BTNL8: variants seen among roughly 807,000 people sequenced by gnomAD.
BTNL8 encodes the protein butyrophilin like 8, also known as butyrophilin-like protein 8.
BTNL8 carries 22 observed loss-of-function variants against 36.1 expected under a neutral mutation model. That is an observed-to-expected ratio of 0.61 (90% confidence interval 0.44 to 0.87). BTNL8 has a LOEUF of 0.87. BTNL8 is among the 40% of genes least tolerant of loss of function. The pLI, the probability that BTNL8 is intolerant of heterozygous loss-of-function variation, is 0.00. For missense variants in BTNL8, 526 were observed against 616.9 expected (o/e 0.85, Z 1.56); for synonymous variants, 203 against 235.6 (o/e 0.86, Z 1.27).
At chr5:180,934,240 C>A (rs2387714) in intron 3 of BTNL8, among the ~76,000 whole-genome samples, 68,329 of 152,042 alleles carry the variant, frequency 0.45, 16,450 homozygotes, top group African/African-American at 0.63. Context: ...AATTCAGCAC[C>A]CTTTCATGAT....
chr5:180,901,585 G>A (rs1756823163), intron 1 of BTNL8, among the ~76,000 whole-genome samples: 1 of 152,198 alleles, frequency 6.6e-6, no homozygotes, highest in Non-Finnish European at 1.5e-5. Flanking sequence ...TGATCAAGTG[G>A]GTACTATGCT....
chr5:180,920,949 AC>A lies in BTNL8; in HGVS notation c.673+9336del, dbSNP rs1475886550. Among the ~76,000 whole-genome samples the A allele has an allele frequency of 3.3e-5, 5 of 152,190 alleles. No homozygotes were observed. In the East Asian group the frequency reaches 9.6e-4, roughly 29 times the overall value. ...TAACTTAAGAAATATTACAGGTGTT[AC>A]TACATTGTTGCTGGGAATATAAATT... On this transcript the variant is annotated intron_variant, in intron 3 of 7. Coordinates refer to ENST00000340184, the MANE Select transcript of BTNL8 (RefSeq NM_001040462.3).
At chr5:180,911,637 GAGA>G (rs1561931220) in intron 3 of BTNL8, 23 bp downstream of exon 3, 7 of 1,585,556 alleles carry the variant, frequency 4.4e-6, no homozygotes, top group Non-Finnish European at 6.0e-6. Flanking sequence ...GGGAGGAGAA[GAGA>G]AGGAGGGGTG....
At chr5:180,911,211 C>T (rs1002948893) in intron 2 of BTNL8, 128 bp from the exon 3 acceptor site, 15 of 1,413,854 alleles carry the variant, frequency 1.1e-5, no homozygotes, top group South Asian at 2.7e-5. Context: ...TGCCAAAGGT[C>T]GTGGTTTTAG....
intron 3 of BTNL8, among the ~76,000 whole-genome samples, chr5:180,919,277 TC>T (rs1179126730): frequency 1.3e-5 from 2 of 152,234 alleles, no homozygotes; most frequent in Non-Finnish European, 2.9e-5. Flanking sequence ...GTTCCTGAAC[TC>T]CAAAGGGAAG....
At chr5:180,905,384 A>AT (rs1320103552) in intron 1 of BTNL8, among the ~76,000 whole-genome samples, 1 of 126,706 alleles carries the variant, frequency 7.9e-6, no homozygotes, top group Non-Finnish European at 1.6e-5. Context: ...CCCCTTTATC[A>AT]TTTTTTATTG....
chr5:180,927,286 A>C (rs1582039456), intron 3 of BTNL8, among the ~76,000 whole-genome samples: 1 of 152,292 alleles, frequency 6.6e-6, no homozygotes, highest in African/African-American at 2.4e-5. Flanking sequence ...CAACATCAAC[A>C]CAACAAAAAG....
intron 2 of BTNL8, chr5:180,909,551 AC>A: frequency 1.0e-6 from 1 of 985,680 alleles, no homozygotes; most frequent in African/African-American, 1.7e-5. Flanking sequence ...TGTTAACTTG[AC>A]CATACTTCCA....
At chr5:180,940,861 C>T (rs796771593) in intron 3 of BTNL8, among the ~76,000 whole-genome samples, 5 of 152,066 alleles carry the variant, frequency 3.3e-5, no homozygotes, top group East Asian at 1.9e-4. Context: ...AGGTCAGGAG[C>T]TCGAAACCAG....
intron 3 of BTNL8, among the ~76,000 whole-genome samples, chr5:180,918,875 G>C (rs527934207): frequency 6.6e-6 from 1 of 152,252 alleles, no homozygotes; most frequent in South Asian, 2.1e-4. Context: ...TAGGATAGGG[G>C]GTTGTGGAGA....
intron 3 of BTNL8, among the ~76,000 whole-genome samples, chr5:180,928,699 G>T (rs550099191): frequency 3.3e-5 from 5 of 152,192 alleles, no homozygotes; most frequent in Admixed American, 6.5e-5. Context: ...AACAAACAAA[G>T]ATCAAAAGAG....
At chr5:180,939,977 C>A (rs1758847009) in intron 3 of BTNL8, among the ~76,000 whole-genome samples, 1 of 152,160 alleles carries the variant, frequency 6.6e-6, no homozygotes, top group South Asian at 2.1e-4. Flanking sequence ...AAACGACATT[C>A]TTCTGAACAA....
chr5:180,913,878 G>A (rs1413378693), intron 3 of BTNL8, among the ~76,000 whole-genome samples: 9 of 152,262 alleles, frequency 5.9e-5, no homozygotes, highest in South Asian at 4.1e-4. Flanking sequence ...ATCATGGGCC[G>A]CCAAGTTGCA....
chr5:180,899,370 T>C lies in BTNL8; in HGVS notation c.49+11T>C. ...TCAAGCTGGGATCAGGTAAGACTCA[T>C]CTTTGTTTCCTCCTTACTAACTAAC... On this transcript the variant is annotated intron_variant, in intron 1 of 7. Coordinates refer to ENST00000340184, the MANE Select transcript of BTNL8 (RefSeq NM_001040462.3). 2 of 1,611,528 alleles carry C rather than the reference T, an allele frequency of 1.2e-6. No individual in the cohort carries two copies. The highest frequency in any genetic ancestry group is 2.2e-5 in the South Asian group (2 of 91,036).
chr5:180,933,445 G>A (rs1265124171), intron 3 of BTNL8, among the ~76,000 whole-genome samples: 1 of 152,120 alleles, frequency 6.6e-6, no homozygotes, highest in Non-Finnish European at 1.5e-5. Context: ...CTCATAATAA[G>A]TATATTTTCA....
rs1258657359 is a variant in BTNL8, at chr5:180,899,280, A to G, written c.-31A>G. 2 of 1,612,884 alleles carry G rather than the reference A, an allele frequency of 1.2e-6. No individual in the cohort carries two copies. Among genetic ancestry groups the G allele is most frequent in the East Asian group, 2.2e-5 (1 of 44,888 alleles). ...GTCACCTCTCCTGTCATCCGTTTCC[A>G]TGCCGTGAGGTCCATTCACAGAACA... On this transcript the variant is annotated 5_prime_UTR_variant, in exon 1 of 8. The change abolishes an upstream ATG in the 5' untranslated region. Transcript: ENST00000340184.
intron 3 of BTNL8, among the ~76,000 whole-genome samples, chr5:180,936,660 G>C (rs866230396): frequency 1.3e-5 from 2 of 152,224 alleles, no homozygotes; most frequent in Admixed American, 6.5e-5. Flanking sequence ...TTGACTAGCA[G>C]AGCTGCCGCT....
intron 3 of BTNL8, among the ~76,000 whole-genome samples, chr5:180,925,883 C>T (rs561428371): frequency 4.2e-4 from 64 of 152,250 alleles, no homozygotes; most frequent in Admixed American, 9.8e-4. Flanking sequence ...TAAATTTTGA[C>T]ATCAAAATCA....
intron 3 of BTNL8, among the ~76,000 whole-genome samples, chr5:180,914,813 T>G (rs1426718021): frequency 6.6e-6 from 1 of 152,172 alleles, no homozygotes; most frequent in Non-Finnish European, 1.5e-5. Context: ...AGGTTCCAAC[T>G]GGTTGGTCAG....
Sources: gnomAD v4.1 joint callset for allele counts (sites outside exome capture counted in the v4.1 genomes callset) on GRCh38, gnomAD v4.1.1 for gene constraint, MANE v1.5 for transcripts, NCBI Gene and HGNC (gene_info 2026-07-23, HGNC 2026-07-21) for gene names.